DCDC2C: variants seen among roughly 807,000 people sequenced by gnomAD.
DCDC2C encodes the protein doublecortin domain containing 2C, also known as doublecortin domain-containing protein 2C.
In DCDC2C, 44 loss-of-function variants were observed where a neutral mutation model predicts 45.0. The ratio of observed to expected loss-of-function variants is 0.98; its 90% CI spans 0.77 to 1.26. The LOEUF (loss-of-function observed/expected upper bound fraction) is 1.26, where lower values mean the gene tolerates loss of function less well. DCDC2C is among the 50% of genes most tolerant of loss of function. The pLI is 0.00. For missense variants in DCDC2C, 447 were observed against 468.9 expected, an observed-to-expected ratio of 0.95 and a Z score of 0.43; for synonymous variants, 187 against 178.8, an observed-to-expected ratio of 1.05 and a Z score of -0.37.
At chr2:3,753,531 T>C (rs1488570770) in intron 5 of DCDC2C, among the ~76,000 whole-genome samples, 1 of 152,218 alleles carries the variant, frequency 6.6e-6, no homozygotes, top group Non-Finnish European at 1.5e-5. Context: ...GAGGGCTTAC[T>C]AGGAACTTTC....
chr2:3,744,523 G>A (rs73144834), intron 4 of DCDC2C, among the ~76,000 whole-genome samples: 2,783 of 152,318 alleles, frequency 0.018, 82 homozygotes, highest in African/African-American at 0.063. Flanking sequence ...TTCAGGCTGA[G>A]AAGTGGGAAA....
chr2:3,804,617 T>G (rs1671188926), intron 10 of DCDC2C, among the ~76,000 whole-genome samples: 1 of 152,238 alleles, frequency 6.6e-6, no homozygotes, highest in African/African-American at 2.4e-5. Context: ...GTAAGCATTT[T>G]GATTTAAAAA....
At chr2:3,769,056 G>A (rs1044421840) in intron 7 of DCDC2C, 1 of 430,428 alleles carries the variant, frequency 2.3e-6, no homozygotes, top group South Asian at 2.9e-5. Context: ...CAGGGTCCAG[G>A]ACCTTCATGA....
chr2:3,732,791 A>G (rs1052137110), intron 3 of DCDC2C, among the ~76,000 whole-genome samples: 10 of 152,074 alleles, frequency 6.6e-5, no homozygotes, highest in Admixed American at 2.6e-4. Flanking sequence ...TCTGAGGAGG[A>G]TGGGGTGAGG....
At chr2:3,758,462 A>G (rs932250490) in intron 6 of DCDC2C, among the ~76,000 whole-genome samples, 1 of 152,226 alleles carries the variant, frequency 6.6e-6, no homozygotes, top group African/African-American at 2.4e-5. Context: ...GTTATTATAT[A>G]CACGGAAAGA....
At chr2:3,777,887 A>G (rs1245581178) in intron 8 of DCDC2C, among the ~76,000 whole-genome samples, 2 of 152,208 alleles carry the variant, frequency 1.3e-5, no homozygotes, top group Non-Finnish European at 2.9e-5. Context: ...GCCCACTGTG[A>G]CTCAGGGTGG....
intron 8 of DCDC2C, among the ~76,000 whole-genome samples, chr2:3,776,711 C>T (rs188076754): frequency 2.0e-5 from 3 of 152,304 alleles, no homozygotes; most frequent in African/African-American, 4.8e-5. Flanking sequence ...TTCTGTATCA[C>T]CCCAGTGTCA....
intron 10 of DCDC2C, among the ~76,000 whole-genome samples, chr2:3,802,011 G>A (rs1198598859): frequency 2.0e-5 from 3 of 152,328 alleles, no homozygotes; most frequent in African/African-American, 7.2e-5. Flanking sequence ...ATGTTCCTAA[G>A]TTCTTGATGG....
chr2:3,784,313 T>C (rs2148180534), intron 9 of DCDC2C, among the ~76,000 whole-genome samples: 1 of 152,316 alleles, frequency 6.6e-6, no homozygotes, highest in South Asian at 2.1e-4. Flanking sequence ...GAGTTTTTGC[T>C]CTTTCTATTA....
chr2:3,742,003 T>G lies in DCDC2C; in HGVS notation c.500T>G (p.Leu167Arg). The change falls in exon 4 of 11, where the codon CTG becomes CGG. Residue 167 changes from leucine (L) to arginine (R), a missense_variant. Coordinates refer to ENST00000399143, the MANE Select transcript of DCDC2C (RefSeq NM_001287444.2). Reference protein sequence around the residue: ...KFSLSDWDIVLATIGEKVFPL... With the variant: ...KFSLSDWDIVRATIGEKVFPL... Reference sequence around the variant, plus strand: ...AGTCTGTCCGATTGGGACATCGTGCTGGCCACGATCGGAGAAAAAGTCTTC... The same window carrying G: ...AGTCTGTCCGATTGGGACATCGTGCGGGCCACGATCGGAGAAAAAGTCTTC... 1 of 1,548,520 alleles carries G rather than the reference T, an allele frequency of 6.5e-7. No homozygotes were observed.
intron 7 of DCDC2C, 127 bp downstream of exon 7, chr2:3,768,007 A>C: frequency 9.1e-7 from 1 of 1,095,182 alleles, no homozygotes; most frequent in Non-Finnish European, 1.2e-6. Flanking sequence ...TATCTGCTTT[A>C]TTAATAAAAG....
At chr2:3,767,060 C>A (rs536546526) in intron 6 of DCDC2C, among the ~76,000 whole-genome samples, 2 of 152,188 alleles carry the variant, frequency 1.3e-5, no homozygotes, top group African/African-American at 4.8e-5. Flanking sequence ...GTGTTGCGAG[C>A]GTGTTTAAGG....
At chr2:3,819,403 C>A (rs765750445) in intron 10 of DCDC2C, among the ~76,000 whole-genome samples, 1 of 152,196 alleles carries the variant, frequency 6.6e-6, no homozygotes, top group Non-Finnish European at 1.5e-5. Flanking sequence ...AATGCTTGAC[C>A]ACTGCAGCTT....
In DCDC2C at chr2:3,770,771, A is replaced by C. The variant is rs997343857; in HGVS notation, c.954+1360A>C. On this transcript the variant is annotated intron_variant, in intron 8 of 10. Coordinates refer to ENST00000399143, the MANE Select transcript of DCDC2C (RefSeq NM_001287444.2). ...TCCTCGTGTGACAAGCACTGTTGTC[A>C]TAACTTTGCGTATAATAAGCATATT... Among the ~76,000 whole-genome samples the C allele has an allele frequency of 3.3e-5, 5 of 152,378 alleles. No individual in the cohort carries two copies. The East Asian group carries it at 7.7e-4, about 24-fold the overall frequency.
intron 8 of DCDC2C, among the ~76,000 whole-genome samples, chr2:3,776,228 C>T (rs891800284): frequency 6.6e-6 from 1 of 152,172 alleles, no homozygotes; most frequent in African/African-American, 2.4e-5. Flanking sequence ...GGCATATGAG[C>T]ACGCTGAAAT....
intron 8 of DCDC2C, among the ~76,000 whole-genome samples, chr2:3,773,241 ACC>A (rs201170994): frequency 8.9e-6 from 1 of 112,392 alleles, no homozygotes; most frequent in Non-Finnish European, 1.9e-5. Flanking sequence ...GTCTTTAACG[ACC>A]CCCTGTTTTT....
Position 3,703,945 on chromosome 2 carries a change from C to A in DCDC2C, c.194C>A (p.Thr65Lys), listed in dbSNP as rs1193432081. Residue 65 changes from threonine to lysine, a missense_variant, in exon 1 of 11, where the codon ACG becomes AAG. Coordinates refer to ENST00000399143, the MANE Select transcript of DCDC2C (RefSeq NM_001287444.2). This position sits in a 1 kb window ranked among gnomAD's most constrained non-coding sequence, Gnocchi z 4.4. ...DVPFGVRRLF[T>K]PTRGHRVLGL... ...CCGTTCGGCGTGCGCCGCCTCTTCA[C>A]GCCCACGCGTGGGCACCGGGTGCTG... 1 of 1,324,750 alleles carries A rather than the reference C, an allele frequency of 7.5e-7. No homozygotes were observed. Among genetic ancestry groups the A allele is most frequent in the South Asian group, 2.0e-5 (1 of 50,388 alleles). 82.1% of individuals were successfully genotyped at this position (1,324,750 alleles called of 1,614,324 possible).
intron 10 of DCDC2C, among the ~76,000 whole-genome samples, chr2:3,816,610 C>T (rs138284515): frequency 4.1e-4 from 63 of 152,044 alleles, no homozygotes; most frequent in African/African-American, 1.3e-3. Flanking sequence ...AGAATGGGAA[C>T]GAGAATAAGA....
At chr2:3,745,338 A>G (rs1669330396) in intron 4 of DCDC2C, among the ~76,000 whole-genome samples, 1 of 152,264 alleles carries the variant, frequency 6.6e-6, no homozygotes, top group African/African-American at 2.4e-5. Flanking sequence ...AAAGTCGGAG[A>G]GAAAATTCTT....
Sources: gnomAD v4.1 joint callset for allele counts (sites outside exome capture counted in the v4.1 genomes callset) on GRCh38, gnomAD v4.1.1 for gene constraint, Gnocchi (gnomAD v3.1) non-coding constraint, MANE v1.5 for transcripts, NCBI Gene and HGNC (gene_info 2026-07-23, HGNC 2026-07-21) for gene names.